The following CAMTA1 variants were observed in gnomAD, a reference collection of about 807,000 sequenced individuals.
CAMTA1 encodes the protein calmodulin-binding transcription activator 1.
In CAMTA1, 27 loss-of-function variants were observed where a neutral mutation model predicts 170.9. That is an observed-to-expected ratio of 0.16 (90% confidence interval 0.12 to 0.22). CAMTA1 has a LOEUF of 0.22. Among genes scored for constraint, CAMTA1 ranks in the 10% least tolerant of loss-of-function variants. The pLI is 1.00. For synonymous variants in CAMTA1, 833 were observed against 891.5 expected (o/e 0.93, Z 1.17); for missense variants, 1,619 against 2,217.2 (o/e 0.73, Z 5.42).
At chr1:7,705,252 C>T (rs1236618045) in intron 11 of CAMTA1, among the ~76,000 whole-genome samples, 1 of 149,424 alleles carries the variant, frequency 6.7e-6, no homozygotes, top group Non-Finnish European at 1.5e-5. Flanking sequence ...GGGAGGGGTG[C>T]GTTTGGCCGA....
intron 3 of CAMTA1, among the ~76,000 whole-genome samples, chr1:6,979,811 C>A (rs1262803177): frequency 6.6e-6 from 1 of 150,758 alleles, no homozygotes; most frequent in East Asian, 1.9e-4. Context: ...GGGAGAGGAC[C>A]CCCGGCACCC....
intron 11 of CAMTA1, among the ~76,000 whole-genome samples, chr1:7,705,325 G>T (rs1434044729): frequency 2.0e-5 from 3 of 151,324 alleles, no homozygotes; most frequent in Non-Finnish European, 1.5e-5. Flanking sequence ...AGCCTGCGTG[G>T]GGCCCGGGGC....
intron 6 of CAMTA1, among the ~76,000 whole-genome samples, chr1:7,589,916 C>T (rs1229055698): frequency 6.6e-6 from 1 of 152,206 alleles, no homozygotes; most frequent in Non-Finnish European, 1.5e-5. Flanking sequence ...TCAGCCCTGG[C>T]CTCCTCTTGT....
intron 5 of CAMTA1, among the ~76,000 whole-genome samples, chr1:7,328,546 C>T (rs902442283): frequency 6.6e-5 from 10 of 152,098 alleles, no homozygotes; most frequent in Non-Finnish European, 1.3e-4. Flanking sequence ...ACTCAGTTAT[C>T]ACCACTGCCC....
chr1:7,594,799 T>C (rs1197155897), intron 6 of CAMTA1, among the ~76,000 whole-genome samples: 1 of 152,222 alleles, frequency 6.6e-6, no homozygotes, highest in Middle Eastern at 3.2e-3. Context: ...GGAAGGTTCT[T>C]GTCCTCAGAA....
intron 5 of CAMTA1, among the ~76,000 whole-genome samples, chr1:7,445,474 C>T (rs747688346): frequency 1.3e-5 from 2 of 152,016 alleles, no homozygotes; most frequent in Non-Finnish European, 2.9e-5. Context: ...GAGGCTGGTG[C>T]CAGTGTGGCC....
intron 4 of CAMTA1, among the ~76,000 whole-genome samples, chr1:7,116,733 C>T (rs1393838882): frequency 2.0e-5 from 3 of 151,664 alleles, no homozygotes; most frequent in Admixed American, 6.6e-5. Flanking sequence ...CTGCAAGCTC[C>T]GCCTTCCGGG....
intron 11 of CAMTA1, among the ~76,000 whole-genome samples, chr1:7,686,945 A>G (rs187577506): frequency 6.6e-6 from 1 of 152,052 alleles, no homozygotes; most frequent in Non-Finnish European, 1.5e-5. Context: ...AAGTCTGAAG[A>G]AGCAGCAAAC....
chr1:6,905,726 CTT>C (rs1259610782), intron 3 of CAMTA1, among the ~76,000 whole-genome samples: 4 of 152,198 alleles, frequency 2.6e-5, no homozygotes, highest in African/African-American at 7.2e-5. Context: ...TGCTTTGTCT[CTT>C]ATTAATAGTT....
intron 5 of CAMTA1, among the ~76,000 whole-genome samples, chr1:7,386,379 G>A (rs1009220260): frequency 6.6e-6 from 1 of 152,232 alleles, no homozygotes; most frequent in Non-Finnish European, 1.5e-5. Flanking sequence ...GAAGACTTGG[G>A]CCCTCTGGGA....
At chr1:6,907,735 C>T (rs1330089503) in intron 3 of CAMTA1, among the ~76,000 whole-genome samples, 1 of 152,204 alleles carries the variant, frequency 6.6e-6, no homozygotes, top group Non-Finnish European at 1.5e-5. Flanking sequence ...CCCTCAGCCA[C>T]TCCAGAAGTA....
chr1:6,942,935 G>C (rs1351379406), intron 3 of CAMTA1, among the ~76,000 whole-genome samples: 1 of 152,178 alleles, frequency 6.6e-6, no homozygotes, highest in Non-Finnish European at 1.5e-5. Flanking sequence ...GCCGAGCAGG[G>C]CATGAGAAGG....
Position 7,752,457 on chromosome 1 carries a change from A to C in CAMTA1, c.4884-2A>C. On this transcript the variant is annotated splice_acceptor_variant, in intron 20 of 22. Transcript: ENST00000303635. LOFTEE classifies it high-confidence loss of function. Reference sequence around the variant, plus strand: ...GTGACAATAATATTCTGACTTTTTCAGGAGCAGTTTGCTAACCAAAAAGCA... The same window carrying C: ...GTGACAATAATATTCTGACTTTTTCCGGAGCAGTTTGCTAACCAAAAAGCA... The C allele has an allele frequency of 1.2e-6, 2 of 1,613,592 alleles. No homozygotes were observed. Among genetic ancestry groups the C allele is most frequent in the Non-Finnish European group, 1.7e-6 (2 of 1,179,660 alleles).
chr1:7,080,726 G>A (rs1260928237), intron 3 of CAMTA1, among the ~76,000 whole-genome samples: 1 of 152,088 alleles, frequency 6.6e-6, no homozygotes, highest in Admixed American at 6.5e-5. Flanking sequence ...ATAGAGATGG[G>A]GTTTCACCAT....
intron 5 of CAMTA1, among the ~76,000 whole-genome samples, chr1:7,317,611 C>T (rs953332792): frequency 3.9e-5 from 6 of 152,278 alleles, no homozygotes; most frequent in East Asian, 3.9e-4. Flanking sequence ...GTACTTGATG[C>T]CTTTAGACAC....
At chr1:6,833,508 G>A (rs552352717) in intron 3 of CAMTA1, among the ~76,000 whole-genome samples, 3 of 152,240 alleles carry the variant, frequency 2.0e-5, no homozygotes, top group Admixed American at 6.5e-5. Flanking sequence ...AAATTGTCTC[G>A]CAACATGAGT....
At chr1:7,754,015 G>A (rs2096915156) in intron 21 of CAMTA1, among the ~76,000 whole-genome samples, 1 of 152,182 alleles carries the variant, frequency 6.6e-6, no homozygotes. Context: ...CAGGGACTTA[G>A]GACCAAAGAG....
intron 4 of CAMTA1, among the ~76,000 whole-genome samples, chr1:7,141,086 G>A (rs1645862094): frequency 6.6e-6 from 1 of 152,098 alleles, no homozygotes; most frequent in African/African-American, 2.4e-5. Context: ...GCTGGACTCG[G>A]CCCCTCTGCA....
chr1:7,525,426 C>T (rs1202708771), intron 6 of CAMTA1, among the ~76,000 whole-genome samples: 5 of 152,188 alleles, frequency 3.3e-5, no homozygotes, highest in South Asian at 4.2e-4. Flanking sequence ...CAGGATGGTA[C>T]GCTATTGATG....
Sources: gnomAD v4.1 joint callset for allele counts (sites outside exome capture counted in the v4.1 genomes callset) on GRCh38, gnomAD v4.1.1 for gene constraint, MANE v1.5 for transcripts, NCBI Gene and HGNC (gene_info 2026-07-23, HGNC 2026-07-21) for gene names.